Variants in SCHIP1 observed in about 807,000 individuals in gnomAD.
The protein encoded by SCHIP1 is schwannomin-interacting protein 1.
In SCHIP1, 8 loss-of-function variants were observed where a neutral mutation model predicts 29.7. The observed-to-expected ratio is 0.27, with a 90% CI of 0.16 to 0.49. The LOEUF (loss-of-function observed/expected upper bound fraction) is 0.49, where lower values mean the gene tolerates loss of function less well. SCHIP1 is among the 20% of genes least tolerant of loss of function. The pLI is 0.99. For synonymous variants in SCHIP1, 76 were observed against 94.9 expected (o/e 0.80, Z 1.16); for missense variants, 193 against 294.6 (o/e 0.66, Z 2.52).
chr3:159,854,500 AACCTGCCATG>A (rs1713074533), intron 1 of SCHIP1, among the ~76,000 whole-genome samples: 1 of 152,184 alleles, frequency 6.6e-6, no homozygotes, highest in African/African-American at 2.4e-5. Context: ...CGGTTTCAGT[AACCTGCCATG>A]TTGCCGTTTG....
the SCHIP1 span, among the ~76,000 whole-genome samples, chr3:159,455,145 C>G: frequency 6.6e-6 from 1 of 152,108 alleles, no homozygotes; most frequent in African/African-American, 2.4e-5. Context: ...TTAAGATTCT[C>G]TAATATATTT....
chr3:159,371,256 A>AGAGGT, the SCHIP1 span, among the ~76,000 whole-genome samples: 1 of 152,312 alleles, frequency 6.6e-6, no homozygotes, highest in South Asian at 2.1e-4. Flanking sequence ...CTGAAAATCC[A>AGAGGT]GAGGTGAATA....
At chr3:159,274,379 T>C in the SCHIP1 span, 2 of 975,286 alleles carry the variant, frequency 2.1e-6, no homozygotes, top group Non-Finnish European at 2.4e-6. Context: ...GGGAGATATT[T>C]GATGACTTAA....
chr3:159,681,938 G>T, the SCHIP1 span, among the ~76,000 whole-genome samples: 1 of 132,022 alleles, frequency 7.6e-6, no homozygotes, highest in South Asian at 2.3e-4. Context: ...GGTTAACTTG[G>T]GTTAACTCAA....
chr3:159,835,683 T>C (rs1743590993), upstream of SCHIP1, among the ~76,000 whole-genome samples: 1 of 152,230 alleles, frequency 6.6e-6, no homozygotes, highest in Non-Finnish European at 1.5e-5. Flanking sequence ...TTATTCAATG[T>C]GTATTGACAA....
chr3:159,705,066 C>T, the SCHIP1 span, among the ~76,000 whole-genome samples: 2 of 151,834 alleles, frequency 1.3e-5, no homozygotes, highest in Admixed American at 6.6e-5. Context: ...CGTGTTCAAG[C>T]GATTCTCCTG....
the SCHIP1 span, among the ~76,000 whole-genome samples, chr3:159,471,054 C>A: frequency 6.6e-6 from 1 of 151,926 alleles, no homozygotes; most frequent in African/African-American, 2.4e-5. Context: ...TTATATGATT[C>A]TGTAAGTTTG....
chr3:159,282,326 A>T, the SCHIP1 span, among the ~76,000 whole-genome samples: 1 of 151,826 alleles, frequency 6.6e-6, no homozygotes, highest in Non-Finnish European at 1.5e-5. Context: ...ACATTTTCAC[A>T]TTTTGTGGCC....
the SCHIP1 span, among the ~76,000 whole-genome samples, chr3:159,684,557 G>A: frequency 6.6e-6 from 1 of 152,098 alleles, no homozygotes; most frequent in Non-Finnish European, 1.5e-5. Flanking sequence ...TGTAATCCCA[G>A]CACTTTGGGA....
At chr3:159,611,042 A>T in the SCHIP1 span, among the ~76,000 whole-genome samples, 1 of 152,272 alleles carries the variant, frequency 6.6e-6, no homozygotes, top group East Asian at 1.9e-4. Context: ...TTATCTCCAG[A>T]TACAGAAGAA....
At chr3:159,777,152 CAA>C in the SCHIP1 span, among the ~76,000 whole-genome samples, 9 of 152,184 alleles carry the variant, frequency 5.9e-5, no homozygotes, top group South Asian at 1.2e-3. Context: ...GTGAGACTAA[CAA>C]ATATCTGCTG....
the SCHIP1 span, among the ~76,000 whole-genome samples, chr3:159,713,501 A>G: frequency 6.6e-6 from 1 of 152,254 alleles, no homozygotes; most frequent in Admixed American, 6.5e-5. Context: ...GTAGTAAATT[A>G]TTGATAAAAT....
the SCHIP1 span, among the ~76,000 whole-genome samples, chr3:159,425,673 A>G: frequency 1.3e-5 from 2 of 152,236 alleles, no homozygotes; most frequent in Admixed American, 1.3e-4. Context: ...AATTGAACTC[A>G]GCTCTGCACC....
the SCHIP1 span, among the ~76,000 whole-genome samples, chr3:159,719,027 A>C: frequency 2.0e-5 from 3 of 152,212 alleles, no homozygotes; most frequent in Non-Finnish European, 4.4e-5. Flanking sequence ...ACTGGTACCA[A>C]AACAGAGATA....
the SCHIP1 span, among the ~76,000 whole-genome samples, chr3:159,785,579 GTTT>G: frequency 7.2e-6 from 1 of 138,962 alleles, no homozygotes. Flanking sequence ...AGTTTTGTTG[GTTT>G]TTTTTTTTTT....
the SCHIP1 span, among the ~76,000 whole-genome samples, chr3:159,533,056 T>C: frequency 6.6e-6 from 1 of 152,208 alleles, no homozygotes; most frequent in Admixed American, 6.5e-5. Context: ...ATGCCTGTCT[T>C]ATGGAGTCAC....
At chr3:159,578,972 CG>C in the SCHIP1 span, among the ~76,000 whole-genome samples, 1 of 152,054 alleles carries the variant, frequency 6.6e-6, no homozygotes, top group Non-Finnish European at 1.5e-5. Flanking sequence ...GACATCTTGG[CG>C]GGGATTTTGT....
At chr3:159,345,539 C>T in the SCHIP1 span, among the ~76,000 whole-genome samples, 1 of 146,396 alleles carries the variant, frequency 6.8e-6, no homozygotes, top group Non-Finnish European at 1.5e-5. Flanking sequence ...TTTTTTTTTA[C>T]AGCAGTGTCT....
the SCHIP1 span, among the ~76,000 whole-genome samples, chr3:159,710,387 G>A: frequency 6.6e-6 from 1 of 152,126 alleles, no homozygotes; most frequent in Non-Finnish European, 1.5e-5. Flanking sequence ...GGTTGGGGAG[G>A]GGAAGGCAGC....
Sources: gnomAD v4.1 joint callset for allele counts (sites outside exome capture counted in the v4.1 genomes callset) on GRCh38, gnomAD v4.1.1 for gene constraint, MANE v1.5 for transcripts, NCBI Gene and HGNC (gene_info 2026-07-23, HGNC 2026-07-21) for gene names.